The following KIAA1217 variants were observed in gnomAD, a reference collection of about 807,000 sequenced individuals.
The protein encoded by KIAA1217 is KIAA1217, also known as sickle tail protein homolog.
KIAA1217 carries 88 observed loss-of-function variants against 163.9 expected under a neutral mutation model. The ratio of observed to expected loss-of-function variants is 0.54; its 90% CI spans 0.45 to 0.64. The LOEUF (loss-of-function observed/expected upper bound fraction) is 0.64. Among genes scored for constraint, KIAA1217 ranks in the 30% least tolerant of loss-of-function variants. The probability of loss-of-function intolerance (pLI) is 0.00; values close to 1 mark genes in which losing one functional copy is unlikely to be tolerated. For missense variants in KIAA1217, 2,372 were observed against 2,475.0 expected (o/e 0.96, Z 0.88); for synonymous variants, 903 against 923.1 (o/e 0.98, Z 0.39).
intron 5 of KIAA1217, among the ~76,000 whole-genome samples, chr10:24,461,233 T>G (rs2062368271): frequency 6.6e-6 from 1 of 150,664 alleles, no homozygotes; most frequent in South Asian, 2.1e-4. Flanking sequence ...ACATTTTAAT[T>G]TTCATGCTGT....
At chr10:23,902,505 A>G (rs928709262) in intron 1 of KIAA1217, among the ~76,000 whole-genome samples, 2 of 152,240 alleles carry the variant, frequency 1.3e-5, no homozygotes, top group Non-Finnish European at 2.9e-5. Flanking sequence ...CTTCTTGTTT[A>G]GGATGCATTC....
chr10:23,710,865 CCTT>C (rs1416982157), intron 1 of KIAA1217, among the ~76,000 whole-genome samples: 1 of 152,168 alleles, frequency 6.6e-6, no homozygotes, highest in Non-Finnish European at 1.5e-5. Context: ...CACCATCTAT[CCTT>C]CTTATTCTCT....
chr10:24,273,289 C>T (rs1371828391), intron 2 of KIAA1217, among the ~76,000 whole-genome samples: 1 of 152,160 alleles, frequency 6.6e-6, no homozygotes, highest in East Asian at 1.9e-4. Flanking sequence ...AGCATTTGAA[C>T]AATAAGCATA....
intron 2 of KIAA1217, among the ~76,000 whole-genome samples, chr10:24,222,800 A>T (rs1355561401): frequency 6.6e-6 from 1 of 152,150 alleles, no homozygotes; most frequent in East Asian, 1.9e-4. Flanking sequence ...GTGAGCCCCC[A>T]TGCTGACAAA....
chr10:24,482,326 C>G (rs2064820463), intron 6 of KIAA1217: 1 of 152,184 alleles, frequency 6.6e-6, no homozygotes, highest in Non-Finnish European at 1.5e-5. Context: ...AAGTCTGAGA[C>G]CAGAAACTTA....
intron 2 of KIAA1217, among the ~76,000 whole-genome samples, chr10:24,318,944 G>A (rs965360329): frequency 3.9e-5 from 6 of 152,206 alleles, no homozygotes; most frequent in Admixed American, 1.3e-4. Context: ...TCCCATCCAG[G>A]ACACCTGGGT....
chr10:23,731,662 G>T (rs74123231), intron 1 of KIAA1217, among the ~76,000 whole-genome samples: 10 of 152,084 alleles, frequency 6.6e-5, no homozygotes, highest in African/African-American at 2.2e-4. Context: ...CTCAGTTTTC[G>T]TCCTTGCCTT....
chr10:23,766,811 C>G (rs1232127033), intron 1 of KIAA1217, among the ~76,000 whole-genome samples: 1 of 152,164 alleles, frequency 6.6e-6, no homozygotes, highest in South Asian at 2.1e-4. Flanking sequence ...CGGGTCATCT[C>G]GAACTCGTGC....
At chr10:23,827,196 A>C (rs1348100281) in intron 1 of KIAA1217, among the ~76,000 whole-genome samples, 1 of 152,176 alleles carries the variant, frequency 6.6e-6, no homozygotes, top group African/African-American at 2.4e-5. Flanking sequence ...TTCATCCCAA[A>C]CAAATTCAGA....
At chr10:23,796,943 C>A (rs913654439) in intron 1 of KIAA1217, among the ~76,000 whole-genome samples, 1 of 152,120 alleles carries the variant, frequency 6.6e-6, no homozygotes, top group East Asian at 1.9e-4. Flanking sequence ...GCCTCAATCT[C>A]CTGGGCTCAA....
intron 1 of KIAA1217, among the ~76,000 whole-genome samples, chr10:23,915,022 G>C (rs1267706370): frequency 6.6e-6 from 1 of 151,798 alleles, no homozygotes; most frequent in Non-Finnish European, 1.5e-5. Flanking sequence ...AGAAATTATA[G>C]ACCCGACCTG....
chr10:23,822,320 T>G (rs1367825710), intron 1 of KIAA1217, among the ~76,000 whole-genome samples: 2 of 152,238 alleles, frequency 1.3e-5, no homozygotes, highest in African/African-American at 4.8e-5. Flanking sequence ...GAAAAAGGAC[T>G]GATAATTTTG....
intron 3 of KIAA1217, among the ~76,000 whole-genome samples, chr10:24,403,875 G>A (rs2056860945): frequency 6.6e-6 from 1 of 152,220 alleles, no homozygotes; most frequent in African/African-American, 2.4e-5. Flanking sequence ...CAGAGATTCA[G>A]AGAAACTGGA....
chr10:23,982,169 G>A (rs1845792712), intron 1 of KIAA1217, among the ~76,000 whole-genome samples: 1 of 152,012 alleles, frequency 6.6e-6, no homozygotes, highest in Non-Finnish European at 1.5e-5. Context: ...ATTGTTTTCA[G>A]ATCCATTATT....
chr10:23,763,648 A>G (rs1436620833), intron 1 of KIAA1217, among the ~76,000 whole-genome samples: 1 of 152,224 alleles, frequency 6.6e-6, no homozygotes, highest in South Asian at 2.1e-4. Context: ...TAAAAACCCT[A>G]GAAGAAAATC....
chr10:24,520,648 AAAAATATATATAT>A (rs2071021746), intron 11 of KIAA1217, among the ~76,000 whole-genome samples: 2 of 87,306 alleles, frequency 2.3e-5, no homozygotes, highest in East Asian at 8.4e-4. Context: ...AAAAAAAAAA[AAAAATATATATAT>A]ATATATATAT....
intron 1 of KIAA1217, among the ~76,000 whole-genome samples, chr10:23,920,884 A>G (rs1434047383): frequency 6.6e-6 from 1 of 152,184 alleles, no homozygotes; most frequent in African/African-American, 2.4e-5. Flanking sequence ...GGTTTTTCAC[A>G]TGCTGTTCTT....
In KIAA1217 at chr10:23,786,524, T is replaced by C. The variant is rs139061567; in HGVS notation, c.-321+91290T>C. Among the ~76,000 whole-genome samples, 1,029 of 145,900 alleles carry C rather than the reference T, an allele frequency of 7.1e-3. 9 individuals are homozygous for C. Among genetic ancestry groups the C allele is most frequent in the African/African-American group, 0.025 (950 of 38,372 alleles). ...CTACCTCTCCCAAAATTTTAAAGTC[T>C]ATTCAGAAGTAGCCAAAAAAAAAAA... On this transcript the variant is annotated intron_variant, in intron 1 of 18. Transcript: ENST00000376462.
At chr10:24,176,755 G>T (rs764344992) in intron 2 of KIAA1217, among the ~76,000 whole-genome samples, 3 of 152,254 alleles carry the variant, frequency 2.0e-5, no homozygotes, top group African/African-American at 2.4e-5. Context: ...GTGATTGATA[G>T]GACTAGGCAC....
Sources: gnomAD v4.1 joint callset for allele counts (sites outside exome capture counted in the v4.1 genomes callset) on GRCh38, gnomAD v4.1.1 for gene constraint, MANE v1.5 for transcripts, NCBI Gene and HGNC (gene_info 2026-07-23, HGNC 2026-07-21) for gene names.